The following BDP1 variants were observed in gnomAD, a reference collection of about 807,000 sequenced individuals.
BDP1 encodes the protein BDP1 general transcription factor IIIB subunit.
Under a neutral mutation model 266.6 loss-of-function variants are expected in BDP1, and 169 were observed. The ratio of observed to expected loss-of-function variants is 0.63; its 90% CI spans 0.56 to 0.72. The LOEUF (loss-of-function observed/expected upper bound fraction) is 0.72. Among genes scored for constraint, BDP1 ranks in the 30% least tolerant of loss-of-function variants. BDP1 has a pLI of 0.00. For missense variants in BDP1, 3,015 were observed against 3,053.8 expected, an observed-to-expected ratio of 0.99 and a Z score of 0.30; for synonymous variants, 1,090 against 1,022.4, an observed-to-expected ratio of 1.07 and a Z score of -1.26.
At chr5:71,465,384 C>G (rs892460396) in intron 4 of BDP1, among the ~76,000 whole-genome samples, 4 of 152,064 alleles carry the variant, frequency 2.6e-5, no homozygotes, top group African/African-American at 9.7e-5. Flanking sequence ...GCCTCAGTCT[C>G]CTGAGTAGCT....
chr5:71,562,468 C>T lies in BDP1; in HGVS notation c.7691C>T (p.Ser2564Phe), dbSNP rs1299669186. Residue 2564 changes from serine (S) to phenylalanine (F), a missense_variant, in exon 38 of 39, where the codon TCT becomes TTT. Around this residue, in one of 3 missense-constraint regions of BDP1, gnomAD observed 629 missense variants for 632.5 expected, o/e 0.99. Transcript: ENST00000358731. ...KNRESSDLLP[S>F]PSVITTQSEN... ...CGAGAGTCCTCTGATCTGCTTCCAT[C>T]TCCAAGTGTTATTACTACTCAATCT... 3.1e-6 allele frequency: 5 copies of T among 1,613,816 alleles called. No individual in the cohort carries two copies. The highest frequency in any genetic ancestry group is 1.7e-5 in the Admixed American group (1 of 59,990).
At position 71,489,682 on chromosome 5, in the gene BDP1, A is replaced by G. The variant is rs1763471235; in HGVS notation, c.1492A>G (p.Asn498Asp). 5.0e-6 allele frequency: 8 copies of G among 1,598,120 alleles called. No individual in the cohort carries two copies. Among genetic ancestry groups the G allele is most frequent in the Non-Finnish European group, 6.8e-6 (8 of 1,175,508 alleles). Residue 498 changes from asparagine (N) to aspartate (D), a missense_variant and splice_region_variant, in exon 10 of 39, where the codon AAT becomes GAT. Physicochemically the swap from Asn to Asp is conservative, Grantham distance 23 (BLOSUM62 1). Coordinates refer to ENST00000358731, the MANE Select transcript of BDP1 (RefSeq NM_018429.3). ...AGPSKGEKHK[N>D]KCQAIRPELK... ...TCCTTCTAAAGGAGAAAAACACAAG[A>G]GTAAGTTTCTTACATATTTAAAAAG... is the stretch of plus-strand genomic sequence containing the variant.
chr5:71,560,067 A>G lies in BDP1; in HGVS notation c.7326A>G (p.Ala2442=), dbSNP rs1233189910. The G allele has an allele frequency of 4.3e-6, 7 of 1,613,972 alleles. No individual in the cohort carries two copies. Among genetic ancestry groups the G allele is most frequent in the Non-Finnish European group, 5.9e-6 (7 of 1,180,024 alleles). The change falls in exon 37 of 39, where the codon GCA becomes GCG. Residue 2442 remains alanine (A), a synonymous_variant. Coordinates refer to ENST00000358731, the MANE Select transcript of BDP1 (RefSeq NM_018429.3). ...AACCTCAAAGACAGCAAGTTGAAGC[A>G]GCTTTTCAGAGTAGAGGATCTAGAT... ...TPEPQRQQVE[A]AFQSRGSRSP...
At position 71,527,255 on chromosome 5, in the gene BDP1, GTCCCC is replaced by G. The variant is rs141588566; in HGVS notation, c.5772+2934_5772+2938del. Among the ~76,000 whole-genome samples, 804 of 152,156 alleles carry G rather than the reference GTCCCC, an allele frequency of 5.3e-3. 12 individuals carry two copies. The highest frequency in any genetic ancestry group is 0.019 in the African/African-American group (768 of 41,496). On this transcript the variant is annotated intron_variant, in intron 25 of 38. Coordinates refer to ENST00000358731, the MANE Select transcript of BDP1 (RefSeq NM_018429.3). ...TTAAGACATCCCGCAATGAGTGGTT[GTCCCC>G]TAGCCTGGCAAAAAACCAAGATACA...
chr5:71,467,575 A>G, intron 6 of BDP1, 88 bp downstream of exon 6: 13 of 1,117,828 alleles, frequency 1.2e-5, no homozygotes, highest in Admixed American at 2.3e-5. Context: ...CCCTAAGTAC[A>G]TAAAATGCAA....
chr5:71,548,390 G>C (rs1742489705), intron 32 of BDP1, among the ~76,000 whole-genome samples: 2 of 152,186 alleles, frequency 1.3e-5, no homozygotes, highest in South Asian at 2.1e-4. Flanking sequence ...ACAATGGCTG[G>C]TGTGATGGGA....
chr5:71,544,991 C>T, intron 31 of BDP1, 48 bp from the exon 32 acceptor site: 1 of 1,552,824 alleles, frequency 6.4e-7, no homozygotes, highest in Non-Finnish European at 8.8e-7. Context: ...AAAATAATTC[C>T]ATGATTTGCC....
At chr5:71,541,222 A>T (rs150446630) in intron 28 of BDP1, among the ~76,000 whole-genome samples, 1 of 152,192 alleles carries the variant, frequency 6.6e-6, no homozygotes, top group African/African-American at 2.4e-5. Context: ...CCAGTCTGTA[A>T]GGATTATTAA....
Position 71,501,566 on chromosome 5 carries a change from A to T in BDP1, c.1961A>T (p.His654Leu), listed in dbSNP as rs754948193. The T allele has an allele frequency of 6.4e-7, 1 of 1,569,120 alleles. No individual in the cohort carries two copies. Among genetic ancestry groups the T allele is most frequent in the East Asian group, 2.2e-5 (1 of 44,660 alleles). ...TGTAGCAAATTAAATTCACAGAACC[A>T]CGTGGAAAAAGATAAAATGAATACA... The part of the protein sequence containing the change: ...SHSKTSVEKN[H>L]VEKDKMNTLD... Residue 654 changes from histidine to leucine, a missense_variant, in exon 14 of 39, where the codon CAC (histidine) becomes CTC (leucine). His to Leu is a moderately conservative substitution (Grantham distance 99). Around this residue, in one of 3 missense-constraint regions of BDP1, gnomAD observed 2,383 missense variants for 2,404.9 expected, o/e 0.99. Coordinates refer to ENST00000358731, the MANE Select transcript of BDP1 (RefSeq NM_018429.3).
intron 22 of BDP1, among the ~76,000 whole-genome samples, chr5:71,519,796 A>G (rs1313247613): frequency 6.6e-6 from 1 of 152,180 alleles, no homozygotes; most frequent in African/African-American, 2.4e-5. Flanking sequence ...TATCTCTTTG[A>G]TACAGTGATT....
chr5:71,466,426 G>A (rs115934990), intron 5 of BDP1, among the ~76,000 whole-genome samples: 1,920 of 152,248 alleles, frequency 0.013, 48 homozygotes, highest in African/African-American at 0.043. Context: ...ATGAGAAGAT[G>A]CCCTATCATC....
At chr5:71,525,900 G>C (rs1270481697) in intron 25 of BDP1, among the ~76,000 whole-genome samples, 1 of 151,690 alleles carries the variant, frequency 6.6e-6, no homozygotes, top group Non-Finnish European at 1.5e-5. Context: ...CAGGCAGAGG[G>C]TCTCCTCACT....
At chr5:71,542,701 CAT>C (rs34551677) in intron 30 of BDP1, among the ~76,000 whole-genome samples, 9 of 149,546 alleles carry the variant, frequency 6.0e-5, no homozygotes, top group African/African-American at 9.8e-5. Flanking sequence ...GAATTGAAAA[CAT>C]ATATATATAT....
In BDP1 at chr5:71,504,631, A is replaced by G. The variant is rs374786722; in HGVS notation, c.2252A>G (p.His751Arg). The change falls in exon 16 of 39, where the codon CAC (histidine) becomes CGC (arginine). Residue 751 changes from histidine to arginine, a missense_variant. Physicochemically the swap from His to Arg is conservative, Grantham distance 29. This residue lies in a region of BDP1 where 2,383 missense variants were observed against 2,404.9 expected (regional missense o/e 0.99). Transcript: ENST00000358731. ...ESCADRDTPQ[H>R]MEDQSRKDFE... ...TTGTTTGTTTTTAAGACTCCTCAAC[A>G]CATGGAAGATCAATCGCGTAAAGAT... The G allele has an allele frequency of 5.5e-5, 88 of 1,613,140 alleles. No homozygotes were observed. Among genetic ancestry groups the G allele is most frequent in the Non-Finnish European group, 6.7e-5 (79 of 1,179,682 alleles).
chr5:71,528,142 A>G (rs1766026953), intron 25 of BDP1, among the ~76,000 whole-genome samples: 1 of 151,910 alleles, frequency 6.6e-6, no homozygotes, highest in Non-Finnish European at 1.5e-5. Context: ...TTAATTCTAT[A>G]CTTAACTTTT....
intron 3 of BDP1, 24 bp from the exon 4 acceptor site, chr5:71,464,034 G>C (rs1554108493): frequency 5.2e-6 from 7 of 1,346,878 alleles, no homozygotes; most frequent in Non-Finnish European, 7.2e-6. Flanking sequence ...ATTTATTAAA[G>C]ATATTGTTAT....
intron 25 of BDP1, among the ~76,000 whole-genome samples, chr5:71,526,873 G>T (rs1246034234): frequency 6.6e-6 from 1 of 151,656 alleles, no homozygotes; most frequent in Non-Finnish European, 1.5e-5. Context: ...TTTGGTAGAG[G>T]CAGGGTTTTA....
intron 6 of BDP1, among the ~76,000 whole-genome samples, chr5:71,468,455 T>G (rs1000353549): frequency 1.3e-4 from 18 of 140,472 alleles, no homozygotes; most frequent in Non-Finnish European, 2.6e-4. Context: ...GCCCAGAAAT[T>G]TTTTTTTTTT....
intron 25 of BDP1, among the ~76,000 whole-genome samples, chr5:71,528,631 A>G (rs191127891): frequency 4.3e-4 from 66 of 152,384 alleles, no homozygotes; most frequent in Non-Finnish European, 8.5e-4. Context: ...CTGTAAAGTC[A>G]CATTTATGAA....
Sources: gnomAD v4.1 joint callset for allele counts (sites outside exome capture counted in the v4.1 genomes callset) on GRCh38, gnomAD v4.1.1 for gene constraint, gnomAD v4.1.1 regional missense constraint, MANE v1.5 for transcripts, NCBI Gene and HGNC (gene_info 2026-07-23, HGNC 2026-07-21) for gene names.